Variants in NRG1 observed in about 807,000 individuals in gnomAD.
NRG1 encodes the protein neuregulin 1, also known as pro-neuregulin-1, membrane-bound isoform.
Under a neutral mutation model 63.8 loss-of-function variants are expected in NRG1, and 18 were observed. The observed-to-expected ratio is 0.28, with a 90% confidence interval of 0.19 to 0.42. The LOEUF (loss-of-function observed/expected upper bound fraction) is 0.42, where lower values mean the gene tolerates loss of function less well. Among genes scored for constraint, NRG1 ranks in the 10% least tolerant of loss-of-function variants. NRG1 has a pLI of 1.00. For missense variants in NRG1, 762 were observed against 814.7 expected, an observed-to-expected ratio of 0.94 and a Z score of 0.79; for synonymous variants, 302 against 301.3, an observed-to-expected ratio of 1.00 and a Z score of -0.02.
At chr8:32,153,043 A>T (rs1382933708) in intron 1 of NRG1, among the ~76,000 whole-genome samples, 1 of 151,852 alleles carries the variant, frequency 6.6e-6, no homozygotes, top group Non-Finnish European at 1.5e-5. Flanking sequence ...TTCATCTCTC[A>T]TGTGCCTGGG....
intron 1 of NRG1, among the ~76,000 whole-genome samples, chr8:32,416,013 G>A (rs11984751): frequency 0.24 from 36,809 of 152,114 alleles, 4,837 homozygotes; most frequent in Middle Eastern, 0.34. Context: ...AGACACTTTC[G>A]TGAGTAAGTT....
At chr8:31,961,280 G>C (rs976859285) in intron 1 of NRG1, among the ~76,000 whole-genome samples, 4 of 152,146 alleles carry the variant, frequency 2.6e-5, no homozygotes, top group African/African-American at 9.7e-5. Context: ...ATCCAAATCA[G>C]TATAATCAGA....
chr8:31,890,867 C>T lies in NRG1; in HGVS notation c.37+251436C>T, dbSNP rs145491293. On this transcript the variant is annotated intron_variant, in intron 1 of 10. Transcript: ENST00000519301. ...CAAACAGGAAACTCAGAAATAGACA[C>T]GTTAATATGCTCAAGTGATTTTTGA... Among the ~76,000 whole-genome samples, 31 of 152,206 alleles carry T rather than the reference C, an allele frequency of 2.0e-4. No homozygotes were observed. In the East Asian group the frequency reaches 5.2e-3, roughly 26 times the overall value.
chr8:32,512,894 C>T (rs1253076989), intron 1 of NRG1, among the ~76,000 whole-genome samples: 2 of 152,062 alleles, frequency 1.3e-5, no homozygotes, highest in Admixed American at 1.3e-4. Context: ...GAACAATAAC[C>T]CCATTCCTTT....
chr8:31,720,489 A>G (rs1367230776), intron 1 of NRG1, among the ~76,000 whole-genome samples: 1 of 151,986 alleles, frequency 6.6e-6, no homozygotes, highest in African/African-American at 2.4e-5. Flanking sequence ...ACCCCTCAAC[A>G]GTGTGTGTTG....
chr8:31,787,849 A>G (rs1427657817), intron 1 of NRG1, among the ~76,000 whole-genome samples: 2 of 152,160 alleles, frequency 1.3e-5, no homozygotes, highest in Non-Finnish European at 2.9e-5. Flanking sequence ...AATATTCTCA[A>G]TTAATGAAAC....
intron 1 of NRG1, among the ~76,000 whole-genome samples, chr8:31,856,083 T>G: frequency 6.6e-6 from 1 of 151,606 alleles, no homozygotes; most frequent in East Asian, 1.9e-4. Flanking sequence ...ATCTGACAAT[T>G]ATGTGTCTTG....
At chr8:32,410,176 CTTTTTTTT>C (rs374377158) in intron 1 of NRG1, among the ~76,000 whole-genome samples, 1 of 99,308 alleles carries the variant, frequency 1.0e-5, no homozygotes, top group African/African-American at 3.9e-5. Context: ...TTTTTCTTTC[CTTTTTTTT>C]TTTTTTTTTT....
chr8:32,566,510 A>C (rs370629263), intron 1 of NRG1, among the ~76,000 whole-genome samples: 1 of 152,154 alleles, frequency 6.6e-6, no homozygotes, highest in Non-Finnish European at 1.5e-5. Context: ...TGGAGCCTCT[A>C]TCCCTTTCTC....
rs34822181 is a variant in NRG1, at chr8:32,648,096, G to T, written c.502+31211G>T. 61 of 1,614,036 alleles carry T rather than the reference G, an allele frequency of 3.8e-5. No individual in the cohort carries two copies. In the African/African-American group the frequency reaches 7.6e-4, roughly 20 times the overall value. On this transcript the variant is annotated intron_variant, in intron 5 of 11. Coordinates refer to ENST00000356819, the Ensembl canonical transcript of NRG1. Reference sequence around the variant, plus strand: ...CCAGGACCCTATTATTTCTCTGGACGCAACTGCTGCCTCAGCTGTGTGGGT... The same window carrying T: ...CCAGGACCCTATTATTTCTCTGGACTCAACTGCTGCCTCAGCTGTGTGGGT...
At chr8:31,724,266 T>C (rs958649822) in intron 1 of NRG1, among the ~76,000 whole-genome samples, 1 of 152,068 alleles carries the variant, frequency 6.6e-6, no homozygotes, top group African/African-American at 2.4e-5. Flanking sequence ...CTATGAACAA[T>C]GGTGTGTTCA....
At chr8:32,098,129 G>T (rs1830117514) in intron 1 of NRG1, among the ~76,000 whole-genome samples, 1 of 105,836 alleles carries the variant, frequency 9.4e-6, no homozygotes, top group Non-Finnish European at 2.3e-5. Context: ...ACGGTGGGAA[G>T]AAACCAAGAG....
intron 1 of NRG1, among the ~76,000 whole-genome samples, chr8:31,867,536 T>C (rs1829072314): frequency 6.6e-6 from 1 of 152,120 alleles, no homozygotes; most frequent in Non-Finnish European, 1.5e-5. Context: ...TTATAGCATA[T>C]AAAGCCACAT....
intron 1 of NRG1, among the ~76,000 whole-genome samples, chr8:32,342,905 C>T (rs969415188): frequency 6.6e-6 from 1 of 152,146 alleles, no homozygotes. Context: ...AAGCATGTCA[C>T]CTATACAACA....
intron 1 of NRG1, among the ~76,000 whole-genome samples, chr8:32,484,502 G>A (rs1326062156): frequency 2.0e-5 from 3 of 152,178 alleles, no homozygotes; most frequent in African/African-American, 7.2e-5. Context: ...AGTTCAGTTT[G>A]AAGCATTTTG....
intron 5 of NRG1, among the ~76,000 whole-genome samples, chr8:32,632,475 G>C (rs1850511727): frequency 6.6e-6 from 1 of 151,414 alleles, no homozygotes; most frequent in Admixed American, 6.6e-5. Context: ...CTTGAACCTG[G>C]GAGGCAGAGG....
intron 1 of NRG1, among the ~76,000 whole-genome samples, chr8:32,479,880 C>T (rs966864922): frequency 1.3e-5 from 2 of 152,012 alleles, no homozygotes; most frequent in African/African-American, 4.8e-5. Context: ...AATCTCCTGA[C>T]CTTGTGATGT....
intron 1 of NRG1, among the ~76,000 whole-genome samples, chr8:32,057,045 A>G (rs893143281): frequency 6.6e-6 from 1 of 152,172 alleles, no homozygotes; most frequent in Non-Finnish European, 1.5e-5. Context: ...ATATGCAATC[A>G]CCAAATACAG....
At chr8:31,752,867 C>T (rs1486364123) in intron 1 of NRG1, among the ~76,000 whole-genome samples, 1 of 152,030 alleles carries the variant, frequency 6.6e-6, no homozygotes, top group Non-Finnish European at 1.5e-5. Flanking sequence ...TTATAAAGAG[C>T]ATAAACACTT....
Sources: allele counts gnomAD v4.1 joint callset (sites outside exome capture counted in the v4.1 genomes callset), GRCh38; gene constraint gnomAD v4.1.1; transcripts MANE v1.5; gene names NCBI Gene and HGNC (gene_info 2026-07-23, HGNC 2026-07-21).